Variants in FADS6 observed in about 807,000 individuals in gnomAD.
FADS6 encodes fatty acid desaturase 6, also known as fatty acid desaturase domain family, member 6.
FADS6 carries 28 observed loss-of-function variants against 31.7 expected under a neutral mutation model. The observed-to-expected ratio is 0.88, with a 90% CI of 0.66 to 1.21. FADS6 has a LOEUF of 1.21. Ranked by LOEUF, FADS6 falls within the 50% of genes most tolerant of loss-of-function variation. The pLI, the probability that FADS6 is intolerant of heterozygous loss-of-function variation, is 0.00. For missense variants in FADS6, 494 were observed against 504.2 expected, an observed-to-expected ratio of 0.98 and a Z score of 0.19; for synonymous variants, 191 against 213.1, an observed-to-expected ratio of 0.90 and a Z score of 0.90.
chr17:74,878,887 GC>G (rs1376522633), intron 5 of FADS6, among the ~76,000 whole-genome samples: 6 of 152,056 alleles, frequency 3.9e-5, no homozygotes, highest in Admixed American at 1.3e-4. Flanking sequence ...TTGTCCAGTC[GC>G]CCTGCTAGTA....
downstream of FADS6, among the ~76,000 whole-genome samples, chr17:74,876,250 C>T (rs371686635): frequency 3.2e-4 from 49 of 152,296 alleles, 1 homozygote; most frequent in East Asian, 8.1e-3. Flanking sequence ...TCCCATTTGC[C>T]GGCAGTTTGT....
At chr17:74,889,098 G>T (rs2038661933) in intron 2 of FADS6, among the ~76,000 whole-genome samples, 1 of 152,126 alleles carries the variant, frequency 6.6e-6, no homozygotes, top group Admixed American at 6.5e-5. Flanking sequence ...CAACAGCCTG[G>T]AGTGGAAGCC....
rs2038547745 is a variant in FADS6, at chr17:74,879,695, G to C, written c.781-112C>G. The C allele has an allele frequency of 3.5e-6, 4 of 1,143,818 alleles. No homozygotes were observed. In the South Asian group the frequency reaches 4.9e-5, roughly 14 times the overall value. 70.9% of individuals were successfully genotyped at this position (1,143,818 alleles called of 1,614,324 possible). On this transcript the variant is annotated intron_variant, in intron 4 of 5. Transcript: ENST00000612771. ...TTCTTGTGTCACCCACCTCCCATGT[G>C]GGGGGACCTGGTAGAGGGGCTCCTG...
chr17:74,879,271 A>G (rs1428378881), intron 5 of FADS6, 133 bp downstream of exon 5: 6 of 1,146,568 alleles, frequency 5.2e-6, no homozygotes, highest in Non-Finnish European at 4.8e-6. Flanking sequence ...TCCTGGGCTC[A>G]AGCAATCTGC....
rs1285100824 is a variant in FADS6 at position 74,888,142 on chromosome 17, ACACACACACACACGCGCG to A, written c.411+4363_411+4380del. 8.9e-4 allele frequency among the ~76,000 whole-genome samples: 98 copies of A among 109,752 alleles called. 1 individual carries two copies. The highest frequency in any genetic ancestry group is 5.3e-3 in the East Asian group (15 of 2,838). The allele number at this position is 109,752 out of a possible 152,430, so 72.0% of individuals were successfully genotyped here. A position where few individuals can be genotyped will look rare whatever the true frequency, so the allele number is the denominator to read the frequency against. ...GCTGAGACACCACACACACACACAC[ACACACACACACACGCGCG>A]CGCGCGCGCGCGCAGAGTACCAATG... On this transcript the variant is annotated intron_variant, in intron 2 of 5. Transcript: ENST00000612771.
At chr17:74,890,651 A>G (rs944903991) in intron 2 of FADS6, among the ~76,000 whole-genome samples, 2 of 152,148 alleles carry the variant, frequency 1.3e-5, no homozygotes, top group African/African-American at 4.8e-5. Flanking sequence ...AGTCTGTGCC[A>G]GGAGCTGAAG....
At chr17:74,889,436 A>G (rs931359717) in intron 2 of FADS6, among the ~76,000 whole-genome samples, 6 of 152,124 alleles carry the variant, frequency 3.9e-5, no homozygotes, top group African/African-American at 1.4e-4. Flanking sequence ...GGTCCTAGGC[A>G]TCAAGAACGT....
chr17:74,878,261 G>C lies in FADS6; in HGVS notation c.*70C>G. The C allele has an allele frequency of 6.6e-7, 1 of 1,525,328 alleles. No homozygotes were observed. Among genetic ancestry groups the C allele is most frequent in the Non-Finnish European group, 8.8e-7 (1 of 1,135,612 alleles). 94.5% of individuals were successfully genotyped at this position (1,525,328 alleles called of 1,614,324 possible). On this transcript the variant is annotated 3_prime_UTR_variant, in exon 6 of 6. Transcript: ENST00000612771. ...CACCAGCCACTGAGCCACACCCCCTGGACCAGCAGCAGCAGGAGGGCCAGG... is the reference window on the plus strand; with the variant it reads ...CACCAGCCACTGAGCCACACCCCCTCGACCAGCAGCAGCAGGAGGGCCAGG...
Position 74,893,332 on chromosome 17 carries a change from C to T in FADS6, c.244+20G>A. On this transcript the variant is annotated intron_variant, in intron 1 of 5. Coordinates refer to ENST00000612771, the MANE Select transcript of FADS6 (RefSeq NM_178128.6). ...CCCACCCGCAGCCCGGCCGGGACGC[C>T]GGGTCCCCGCGTTCCTCACCTGCCG... is the stretch of plus-strand genomic sequence containing the variant. 1 of 1,506,120 alleles carries T rather than the reference C, an allele frequency of 6.6e-7. No individual in the cohort carries two copies. Among genetic ancestry groups the T allele is most frequent in the Middle Eastern group, 2.3e-4 (1 of 4,362 alleles). 93.3% of individuals were successfully genotyped at this position (1,506,120 alleles called of 1,614,324 possible).
chr17:74,880,975 C>T, intron 4 of FADS6, 93 bp downstream of exon 4: 2 of 1,328,900 alleles, frequency 1.5e-6, no homozygotes, highest in Non-Finnish European at 2.0e-6. Flanking sequence ...TCAGGTGGCC[C>T]CTCTCTCCTC....
At chr17:74,888,151 C>A (rs550933633) in intron 2 of FADS6, among the ~76,000 whole-genome samples, 3 of 109,274 alleles carry the variant, frequency 2.7e-5, no homozygotes, top group African/African-American at 1.3e-4. Flanking sequence ...CACACACACA[C>A]ACACGCGCGC....
At chr17:74,875,474 C>G (rs1166702934), downstream of FADS6, among the ~76,000 whole-genome samples, 1 of 152,210 alleles carries the variant, frequency 6.6e-6, no homozygotes, top group East Asian at 1.9e-4. Context: ...CTAAGTGAAA[C>G]AGAAAATGGA....
downstream of FADS6, among the ~76,000 whole-genome samples, chr17:74,875,897 T>C (rs2038504542): frequency 6.6e-6 from 1 of 152,186 alleles, no homozygotes; most frequent in Admixed American, 6.5e-5. Context: ...AAAGGCGTGA[T>C]TGAGGACAGT....
Position 74,882,516 on chromosome 17 carries a change from C to T in FADS6, c.592+14G>A, listed in dbSNP as rs772145870. The T allele has an allele frequency of 6.2e-7, 1 of 1,603,422 alleles. No individual in the cohort carries two copies. The highest frequency in any genetic ancestry group is 1.7e-4 in the Middle Eastern group (1 of 5,970). ...CATGCAGGACACTGCGGACCGGGCTCTCATGGCACTCACCGACAGCCACCA... is the reference window on the plus strand; with the variant it reads ...CATGCAGGACACTGCGGACCGGGCTTTCATGGCACTCACCGACAGCCACCA... On this transcript the variant is annotated intron_variant, in intron 3 of 5. Transcript: ENST00000612771.
chr17:74,892,471 G>A (rs1027293156), intron 2 of FADS6, 52 bp downstream of exon 2: 12 of 1,565,830 alleles, frequency 7.7e-6, no homozygotes, highest in Non-Finnish European at 1.0e-5. Flanking sequence ...AGAAGAATGA[G>A]GCTGCCACAC....
intron 4 of FADS6, 150 bp from the exon 5 acceptor site, chr17:74,879,733 T>G: frequency 2.6e-6 from 2 of 768,960 alleles, no homozygotes; most frequent in African/African-American, 1.8e-5. Flanking sequence ...CCAGCTCCGA[T>G]GATGACCCTG....
intron 2 of FADS6, among the ~76,000 whole-genome samples, chr17:74,887,937 C>T (rs533390177): frequency 2.1e-4 from 32 of 152,270 alleles, no homozygotes; most frequent in African/African-American, 5.8e-4. Context: ...CCACCCTCCT[C>T]GGCCTCCCAA....
At chr17:74,889,548 A>G (rs1010440303) in intron 2 of FADS6, among the ~76,000 whole-genome samples, 6 of 151,946 alleles carry the variant, frequency 3.9e-5, no homozygotes, top group Admixed American at 2.0e-4. Context: ...AAAAACAACA[A>G]AAACAAAACA....
rs187436027 is a variant in FADS6 at position 74,887,943 on chromosome 17, C to T, written c.411+4580G>A. Among the ~76,000 whole-genome samples, 8 of 152,288 alleles carry T rather than the reference C, an allele frequency of 5.3e-5. No individual in the cohort carries two copies. The East Asian group carries it at 1.5e-3, about 29-fold the overall frequency. ...CCTCGTGATCCACCCTCCTCGGCCTCCCAAAGTGCTGGGATTACAGGCGTG... is the reference window on the plus strand; with the variant it reads ...CCTCGTGATCCACCCTCCTCGGCCTTCCAAAGTGCTGGGATTACAGGCGTG... On this transcript the variant is annotated intron_variant, in intron 2 of 5. Transcript: ENST00000612771.
Sources: gnomAD v4.1 joint callset for allele counts (sites outside exome capture counted in the v4.1 genomes callset) on GRCh38, gnomAD v4.1.1 for gene constraint, MANE v1.5 for transcripts, NCBI Gene and HGNC (gene_info 2026-07-23, HGNC 2026-07-21) for gene names.